Variants in ZFAND3 observed in about 807,000 individuals in gnomAD.
ZFAND3 encodes zinc finger AN1-type containing 3, also known as AN1-type zinc finger protein 3.
A neutral mutation model predicts 29.6 loss-of-function variants in ZFAND3; 10 were observed. The ratio of observed to expected loss-of-function variants is 0.34; its 90% CI spans 0.21 to 0.57. The LOEUF (loss-of-function observed/expected upper bound fraction) is 0.57. ZFAND3 is among the 20% of genes least tolerant of loss of function. The probability of loss-of-function intolerance (pLI) is 0.86; values close to 1 mark genes in which losing one functional copy is unlikely to be tolerated. For synonymous variants in ZFAND3, 128 were observed against 112.6 expected, an observed-to-expected ratio of 1.14 and a Z score of -0.87; for missense variants, 230 against 304.5, an observed-to-expected ratio of 0.76 and a Z score of 1.82.
At position 38,050,818 on chromosome 6, in the gene ZFAND3, G is replaced by T. The variant is rs75310492; in HGVS notation, c.113-10775G>T. 4.7e-3 allele frequency among the ~76,000 whole-genome samples: 718 copies of T among 152,260 alleles called. 2 individuals carry two copies. The highest frequency in any genetic ancestry group is 8.8e-3 in the Non-Finnish European group (596 of 68,004). The stretch of plus-strand genomic sequence containing the variant: ...AACATATTGTATTTCTTGAATTTAA[G>T]CTGAACATTTGCAAGTTTTATCTTA... On this transcript the variant is annotated intron_variant, in intron 2 of 5. Coordinates refer to ENST00000287218, the MANE Select transcript of ZFAND3 (RefSeq NM_021943.3).
chr6:38,131,825 C>T (rs1325107626), intron 5 of ZFAND3, among the ~76,000 whole-genome samples: 1 of 152,228 alleles, frequency 6.6e-6, no homozygotes, highest in African/African-American at 2.4e-5. Context: ...GTGGTGTCCT[C>T]ATGAGCCTGC....
Position 37,881,461 on chromosome 6 carries a change from G to T in ZFAND3, c.72-48498G>T, listed in dbSNP as rs186180733. 3.4e-3 allele frequency among the ~76,000 whole-genome samples: 513 copies of T among 152,258 alleles called. 1 individual carries two copies. The highest frequency in any genetic ancestry group is 6.8e-3 in the Middle Eastern group (2 of 294). On this transcript the variant is annotated intron_variant, in intron 1 of 5. Coordinates refer to ENST00000287218, the MANE Select transcript of ZFAND3 (RefSeq NM_021943.3). Reference sequence around the variant, plus strand: ...AGTCATTATTAATGCCAGAGATCTGGATTTGATGGTCTGTTCTGTCTTTCT... The same window carrying T: ...AGTCATTATTAATGCCAGAGATCTGTATTTGATGGTCTGTTCTGTCTTTCT...
chr6:37,945,819 A>G (rs1581782735), intron 2 of ZFAND3, among the ~76,000 whole-genome samples: 1 of 152,318 alleles, frequency 6.6e-6, no homozygotes, highest in East Asian at 1.9e-4. Context: ...GTTTTAGCAG[A>G]CTTTTTCCTT....
At chr6:37,897,961 G>A (rs1270709207) in intron 1 of ZFAND3, among the ~76,000 whole-genome samples, 2 of 152,122 alleles carry the variant, frequency 1.3e-5, no homozygotes, top group Non-Finnish European at 2.9e-5. Flanking sequence ...CCATGTATGT[G>A]TATTGCAGCT....
At chr6:37,996,504 T>C (rs1762851791) in intron 2 of ZFAND3, among the ~76,000 whole-genome samples, 1 of 152,222 alleles carries the variant, frequency 6.6e-6, no homozygotes, top group Non-Finnish European at 1.5e-5. Context: ...TGATCTTTTA[T>C]CCAACATTTC....
chr6:38,009,761 A>G (rs1763113973), intron 2 of ZFAND3, among the ~76,000 whole-genome samples: 1 of 152,210 alleles, frequency 6.6e-6, no homozygotes, highest in East Asian at 1.9e-4. Context: ...TTTAAGAGAC[A>G]ATGTTATGAC....
chr6:37,973,122 A>T (rs960085035), intron 2 of ZFAND3, among the ~76,000 whole-genome samples: 48 of 152,182 alleles, frequency 3.2e-4, no homozygotes, highest in African/African-American at 1.1e-3. Flanking sequence ...CTGATTTGGT[A>T]AAACTGTCAT....
At chr6:37,985,519 A>G (rs1762653776) in intron 2 of ZFAND3, among the ~76,000 whole-genome samples, 1 of 148,614 alleles carries the variant, frequency 6.7e-6, no homozygotes, top group African/African-American at 2.5e-5. Context: ...ACACACACAC[A>G]CACACACACC....
At chr6:38,064,599 A>G (rs1009411362) in intron 3 of ZFAND3, among the ~76,000 whole-genome samples, 2 of 151,376 alleles carry the variant, frequency 1.3e-5, no homozygotes. Flanking sequence ...TGTCATTAAG[A>G]TATGTGGAAA....
intron 2 of ZFAND3, among the ~76,000 whole-genome samples, chr6:38,018,017 C>G (rs1763282002): frequency 6.6e-6 from 1 of 152,168 alleles, no homozygotes; most frequent in Non-Finnish European, 1.5e-5. Context: ...CTCCCTTTTG[C>G]AGTTGTTGGT....
intron 2 of ZFAND3, among the ~76,000 whole-genome samples, chr6:37,986,360 C>T (rs1762671653): frequency 6.6e-6 from 1 of 152,084 alleles, no homozygotes; most frequent in African/African-American, 2.4e-5. Flanking sequence ...TCATGGGATT[C>T]ACCAGCTGTT....
chr6:38,082,556 T>A (rs1357326280), intron 4 of ZFAND3, 99 bp downstream of exon 4: 1 of 1,133,440 alleles, frequency 8.8e-7, no homozygotes, highest in Non-Finnish European at 1.3e-6. Context: ...GTACTCTGAT[T>A]TCTTCCGTCA....
chr6:37,954,083 T>C (rs1449043599), intron 2 of ZFAND3, among the ~76,000 whole-genome samples: 1 of 152,168 alleles, frequency 6.6e-6, no homozygotes, highest in African/African-American at 2.4e-5. Flanking sequence ...GATGAGAAAT[T>C]TGTTGGCTTT....
intron 2 of ZFAND3, among the ~76,000 whole-genome samples, chr6:38,060,095 A>G (rs1197147933): frequency 1.3e-5 from 2 of 152,156 alleles, no homozygotes; most frequent in African/African-American, 4.8e-5. Context: ...AACCAAACCC[A>G]GATTGAAAAT....
intron 1 of ZFAND3, among the ~76,000 whole-genome samples, chr6:37,909,904 T>C (rs992648372): frequency 2.0e-5 from 3 of 152,204 alleles, no homozygotes; most frequent in Admixed American, 6.5e-5. Flanking sequence ...AAGTCTCTTA[T>C]TCAAATTGAT....
At chr6:37,839,916 G>A (rs890497509) in intron 1 of ZFAND3, among the ~76,000 whole-genome samples, 2 of 152,134 alleles carry the variant, frequency 1.3e-5, no homozygotes, top group Non-Finnish European at 2.9e-5. Context: ...GTTTTTTGGG[G>A]ATGTGTCCTT....
intron 5 of ZFAND3, among the ~76,000 whole-genome samples, chr6:38,149,098 C>T (rs1215013495): frequency 1.3e-5 from 2 of 152,054 alleles, no homozygotes; most frequent in African/African-American, 2.4e-5. Context: ...GAAAGCATTC[C>T]TCCTGCCTTG....
intron 2 of ZFAND3, among the ~76,000 whole-genome samples, chr6:37,979,329 C>T (rs1762541498): frequency 6.6e-6 from 1 of 152,044 alleles, no homozygotes; most frequent in Admixed American, 6.6e-5. Flanking sequence ...TTTCTTACAA[C>T]TTTGTGTATT....
intron 2 of ZFAND3, among the ~76,000 whole-genome samples, chr6:37,955,292 G>A (rs1561945870): frequency 6.6e-6 from 1 of 152,122 alleles, no homozygotes; most frequent in Non-Finnish European, 1.5e-5. Flanking sequence ...AGCTAGAAGT[G>A]GAAGTCCTCC....
Sources: allele counts gnomAD v4.1 joint callset (sites outside exome capture counted in the v4.1 genomes callset), GRCh38; gene constraint gnomAD v4.1.1; transcripts MANE v1.5; gene names NCBI Gene and HGNC (gene_info 2026-07-23, HGNC 2026-07-21).